The following CYP4F22 variants were observed in gnomAD, a reference collection of about 807,000 sequenced individuals.
The protein encoded by CYP4F22 is ultra-long-chain fatty acid omega-hydroxylase.
CYP4F22 carries 37 observed loss-of-function variants against 60.4 expected under a neutral mutation model. That is an observed-to-expected ratio of 0.61 (90% CI 0.47 to 0.81). The LOEUF (loss-of-function observed/expected upper bound fraction) is 0.81. Among genes scored for constraint, CYP4F22 ranks in the 30% least tolerant of loss-of-function variants. The probability of loss-of-function intolerance (pLI) is 0.00; values close to 1 mark genes in which losing one functional copy is unlikely to be tolerated. For synonymous variants in CYP4F22, 258 were observed against 280.5 expected, an observed-to-expected ratio of 0.92 and a Z score of 0.80; for missense variants, 655 against 715.0, an observed-to-expected ratio of 0.92 and a Z score of 0.96.
At position 15,550,738 on chromosome 19, in the gene CYP4F22, C is replaced by T. The variant is rs1043553914; in HGVS notation, c.1400C>T (p.Pro467Leu). The change falls in exon 13 of 14, where the codon CCC becomes CTC. Residue 467 changes from proline (P) to leucine (L), a missense_variant. Pro to Leu is a moderately conservative substitution (Grantham distance 98). This residue lies in a region of CYP4F22 where 151 missense variants were observed against 139.4 expected (regional missense o/e 1.08). Transcript: ENST00000269703. ...PQQRSPLAYV[P>L]FSAGPRNCIG... ...CAGCGCTCTCCACTGGCCTATGTGC[C>T]CTTCTCTGCAGGACCCAGGTAACCC... The T allele has an allele frequency of 3.7e-6, 6 of 1,614,200 alleles. No homozygotes were observed. The highest frequency in any genetic ancestry group is 1.7e-5 in the Admixed American group (1 of 60,022).
chr19:15,518,724 A>G (rs901576774), intron 1 of CYP4F22, among the ~76,000 whole-genome samples: 1 of 149,280 alleles, frequency 6.7e-6, no homozygotes, highest in African/African-American at 2.5e-5. Flanking sequence ...AAAACAAAAG[A>G]GTCTAAATTT....
At chr19:15,549,094 G>A (rs1971565532) in intron 11 of CYP4F22, 44 bp from the exon 12 acceptor site, 3 of 1,609,732 alleles carry the variant, frequency 1.9e-6, no homozygotes, top group Non-Finnish European at 2.6e-6. Flanking sequence ...TCTGGAGGAG[G>A]CCCTGGCTCC....
intron 1 of CYP4F22, among the ~76,000 whole-genome samples, chr19:15,512,375 A>G (rs954663004): frequency 6.6e-6 from 1 of 152,176 alleles, no homozygotes; most frequent in Non-Finnish European, 1.5e-5. Context: ...TCTGTCCCCC[A>G]GGCTGGAGTG....
intron 10 of CYP4F22, 85 bp downstream of exon 10, chr19:15,544,364 T>C: frequency 6.6e-7 from 1 of 1,504,580 alleles, no homozygotes; most frequent in Non-Finnish European, 9.0e-7. Flanking sequence ...TTACTGATTG[T>C]GTGACCTCAG....
intron 10 of CYP4F22, among the ~76,000 whole-genome samples, chr19:15,545,136 A>G (rs1213880998): frequency 6.6e-6 from 1 of 151,756 alleles, no homozygotes; most frequent in Non-Finnish European, 1.5e-5. Flanking sequence ...TGCTTGCACT[A>G]GAAGATTGCA....
chr19:15,551,654 T>G lies in CYP4F22; in HGVS notation c.*183T>G, dbSNP rs2280436. On this transcript the variant is annotated 3_prime_UTR_variant, in exon 14 of 14. Coordinates refer to ENST00000269703, the MANE Select transcript of CYP4F22 (RefSeq NM_173483.4). ...GCCACGCCCCTCAAGGCAAGGCTCCTCCCCTTAGGGGGCCTGATCCCGCCC... is the reference window on the plus strand; with the variant it reads ...GCCACGCCCCTCAAGGCAAGGCTCCGCCCCTTAGGGGGCCTGATCCCGCCC... The G allele has an allele frequency of 0.78, 581,999 of 747,002 alleles. 227,928 individuals carry two copies. Among genetic ancestry groups the G allele is most frequent in the East Asian group, 0.89 (32,920 of 36,914 alleles). 46.3% of individuals were successfully genotyped at this position (747,002 alleles called of 1,614,324 possible).
chr19:15,546,355 G>A (rs542122618), intron 10 of CYP4F22, among the ~76,000 whole-genome samples: 6 of 152,286 alleles, frequency 3.9e-5, no homozygotes, highest in Admixed American at 2.6e-4. Flanking sequence ...AGGCTAAGGC[G>A]GGTGGATCAC....
Position 15,518,484 on chromosome 19 carries a change from CA to C in CYP4F22, c.-108-5194del, listed in dbSNP as rs56987005. Among the ~76,000 whole-genome samples, 904 of 134,094 alleles carry C rather than the reference CA, an allele frequency of 6.7e-3. 12 individuals carry two copies. Among genetic ancestry groups the C allele is most frequent in the African/African-American group, 0.023 (810 of 35,120 alleles). 88.0% of individuals were successfully genotyped at this position (134,094 alleles called of 152,430 possible). On this transcript the variant is annotated intron_variant, in intron 1 of 13. Transcript: ENST00000269703. ...TGAAACCCCATCTCTACCAAAAATA[CA>C]AAAAAAAAAAAAAATTACCTGGGCG...
At chr19:15,548,284 T>C (rs1971556549) in intron 11 of CYP4F22, 43 bp downstream of exon 11, 2 of 1,612,112 alleles carry the variant, frequency 1.2e-6, no homozygotes, top group Non-Finnish European at 1.7e-6. Flanking sequence ...CTGCCTCCAA[T>C]GATGTAGCTG....
At position 15,509,337 on chromosome 19, in the gene CYP4F22, T is replaced by C. The variant is rs535628085; in HGVS notation, c.-109+754T>C. On this transcript the variant is annotated intron_variant, in intron 1 of 13. Transcript: ENST00000269703. Reference sequence around the variant, plus strand: ...AGGCCTAGGCTCAGGGCATCTCTCCTGGTTCATCTGCCCGCTCACAGCTCA... The same window carrying C: ...AGGCCTAGGCTCAGGGCATCTCTCCCGGTTCATCTGCCCGCTCACAGCTCA... 3.9e-5 allele frequency among the ~76,000 whole-genome samples: 6 copies of C among 152,272 alleles called. No homozygotes were observed. The South Asian group carries it at 1.2e-3, about 32-fold the overall frequency.
At position 15,550,756 on chromosome 19, in the gene CYP4F22, G is replaced by C; in HGVS notation, c.1418G>C (p.Arg473Thr). ...LAYVPFSAGP[R>T]NCIGQSFAMA... ...TATGTGCCCTTCTCTGCAGGACCCA[G>C]GTAACCCCTCTATTTCCCCTAGTCC... Residue 473 changes from arginine to threonine, a missense_variant and splice_region_variant, in exon 13 of 14, where the codon AGG becomes ACG. Physicochemically the swap from Arg to Thr is moderately conservative, Grantham distance 71 (BLOSUM62 -1). This residue lies in a region of CYP4F22 where 151 missense variants were observed against 139.4 expected (regional missense o/e 1.08). Transcript: ENST00000269703. 1 of 1,614,184 alleles carries C rather than the reference G, an allele frequency of 6.2e-7. No homozygotes were observed.
chr19:15,550,807 A>G, intron 13 of CYP4F22, 51 bp downstream of exon 13: 1 of 1,602,158 alleles, frequency 6.2e-7, no homozygotes, highest in Non-Finnish European at 8.6e-7. Flanking sequence ...GAACAGAGGC[A>G]GGGAAAGATC....
chr19:15,547,621 G>A (rs1490218949), intron 10 of CYP4F22, among the ~76,000 whole-genome samples: 2 of 151,982 alleles, frequency 1.3e-5, no homozygotes, highest in Non-Finnish European at 2.9e-5. Context: ...TCAGGCGTTT[G>A]AGACCAGCCT....
At chr19:15,551,233 A>AC in intron 13 of CYP4F22, 61 bp from the exon 14 acceptor site, 2 of 1,571,510 alleles carry the variant, frequency 1.3e-6, no homozygotes, top group Non-Finnish European at 1.7e-6. Context: ...GAGGCATGTG[A>AC]CCCCCGGGGA....
At position 15,529,758 on chromosome 19, in the gene CYP4F22, A is replaced by C; in HGVS notation, c.272A>C (p.Asn91Thr). Reference sequence around the variant, plus strand: ...CAAGATGAGAAGAAGGTACTGGACAACATGCACCATGTACTCTTGGTATGG... The same window carrying C: ...CAAGATGAGAAGAAGGTACTGGACACCATGCACCATGTACTCTTGGTATGG... ...GLQDEKKVLD[N>T]MHHVLLVWMG... The change falls in exon 4 of 14, where the codon AAC (asparagine) becomes ACC (threonine). Residue 91 changes from asparagine to threonine, a missense_variant. This residue lies in a region of CYP4F22 where 430 missense variants were observed against 457.1 expected (regional missense o/e 0.94). Coordinates refer to ENST00000269703, the MANE Select transcript of CYP4F22 (RefSeq NM_173483.4). 6.2e-7 allele frequency: 1 copy of C among 1,614,110 alleles called. No homozygotes were observed. Among genetic ancestry groups the C allele is most frequent in the Non-Finnish European group, 8.5e-7 (1 of 1,180,038 alleles).
chr19:15,525,925 G>T (rs1432074117), intron 3 of CYP4F22, among the ~76,000 whole-genome samples: 1 of 152,076 alleles, frequency 6.6e-6, no homozygotes, highest in East Asian at 1.9e-4. Flanking sequence ...CACTTGGGAG[G>T]CTGAGGTAGG....
At position 15,551,582 on chromosome 19, in the gene CYP4F22, A is replaced by G; in HGVS notation, c.*111A>G. On this transcript the variant is annotated 3_prime_UTR_variant, in exon 14 of 14. Coordinates refer to ENST00000269703, the MANE Select transcript of CYP4F22 (RefSeq NM_173483.4). ...GCCACCCCCCTCGAAGTTCAGGTTC[A>G]GCTCCTGGATGACCAGGCACCGCTG... is the stretch of plus-strand genomic sequence containing the variant. 2 of 1,331,470 alleles carry G rather than the reference A, an allele frequency of 1.5e-6. No individual in the cohort carries two copies. The highest frequency in any genetic ancestry group is 2.0e-6 in the Non-Finnish European group (2 of 981,640). The allele number at this position is 1,331,470 out of a possible 1,614,324, so 82.5% of individuals were successfully genotyped here. A position where few individuals can be genotyped will look rare whatever the true frequency, so the allele number is the denominator to read the frequency against.
At chr19:15,537,288 A>G (rs947816716) in intron 4 of CYP4F22, 73 bp from the exon 5 acceptor site, 40 of 1,582,748 alleles carry the variant, frequency 2.5e-5, no homozygotes, top group South Asian at 5.5e-5. Flanking sequence ...ATGACAGAGC[A>G]AGACTCCGTA....
intron 10 of CYP4F22, among the ~76,000 whole-genome samples, chr19:15,547,400 C>T (rs1971539404): frequency 6.6e-6 from 1 of 152,118 alleles, no homozygotes; most frequent in African/African-American, 2.4e-5. Context: ...CTTGGCTGTC[C>T]TGGCACCTCG....
Sources: allele counts gnomAD v4.1 joint callset (sites outside exome capture counted in the v4.1 genomes callset), GRCh38; gene constraint gnomAD v4.1.1; regional missense constraint gnomAD v4.1.1; transcripts MANE v1.5; gene names NCBI Gene and HGNC (gene_info 2026-07-23, HGNC 2026-07-21).